The following CTNNA2 variants were observed in gnomAD, a reference collection of about 807,000 sequenced individuals.
CTNNA2 encodes the protein catenin alpha 2.
CTNNA2 carries 42 observed loss-of-function variants against 101.0 expected under a neutral mutation model. The observed-to-expected ratio is 0.42, with a 90% CI of 0.32 to 0.54. The LOEUF (loss-of-function observed/expected upper bound fraction) is 0.54, where lower values mean the gene tolerates loss of function less well. CTNNA2 is among the 20% of genes least tolerant of loss of function. The pLI is 0.14. For missense variants in CTNNA2, 871 were observed against 1,223.1 expected (o/e 0.71, Z 4.29); for synonymous variants, 450 against 456.4 (o/e 0.99, Z 0.18).
At chr2:79,895,809 T>G (rs533347566) in intron 6 of CTNNA2, among the ~76,000 whole-genome samples, 1 of 152,126 alleles carries the variant, frequency 6.6e-6, no homozygotes, top group East Asian at 1.9e-4. Flanking sequence ...TCCACCGACT[T>G]AAAAATGTAA....
chr2:79,262,081 T>C (rs568629691), intron 2 of CTNNA2, among the ~76,000 whole-genome samples: 4 of 152,272 alleles, frequency 2.6e-5, no homozygotes, highest in African/African-American at 9.6e-5. Context: ...GATTTTAACA[T>C]CACTCAAGTG....
intron 13 of CTNNA2, 89 bp from the exon 14 acceptor site, chr2:80,581,617 G>C: frequency 1.3e-6 from 1 of 794,840 alleles, no homozygotes; most frequent in South Asian, 1.5e-5. Context: ...TCTGTTTGCT[G>C]GGGGATATTT....
intron 9 of CTNNA2, among the ~76,000 whole-genome samples, chr2:80,530,112 G>A (rs766807204): frequency 6.6e-6 from 1 of 152,118 alleles, no homozygotes; most frequent in African/African-American, 2.4e-5. Flanking sequence ...GGATGCATCT[G>A]CTGCCCAACA....
intron 1 of CTNNA2, among the ~76,000 whole-genome samples, chr2:79,530,717 A>G (rs1021208771): frequency 6.6e-6 from 1 of 152,172 alleles, no homozygotes; most frequent in Non-Finnish European, 1.5e-5. Context: ...GAAACCTGAT[A>G]GTATTGAAGA....
intron 4 of CTNNA2, among the ~76,000 whole-genome samples, chr2:79,381,546 C>T (rs1678039230): frequency 6.6e-6 from 1 of 152,176 alleles, no homozygotes; most frequent in Admixed American, 6.5e-5. Context: ...GCAGTACTTG[C>T]TTGTTCATCA....
At chr2:80,322,988 A>G (rs912361372) in intron 7 of CTNNA2, among the ~76,000 whole-genome samples, 1 of 152,198 alleles carries the variant, frequency 6.6e-6, no homozygotes, top group African/African-American at 2.4e-5. Context: ...GAGAACGGGT[A>G]TTAACCGGAG....
At chr2:80,003,637 A>G (rs1445559329) in intron 7 of CTNNA2, among the ~76,000 whole-genome samples, 1 of 152,154 alleles carries the variant, frequency 6.6e-6, no homozygotes, top group East Asian at 1.9e-4. Flanking sequence ...TCCATATGTT[A>G]ATTGCACATT....
intron 7 of CTNNA2, among the ~76,000 whole-genome samples, chr2:79,966,462 T>C (rs1690068815): frequency 6.6e-6 from 1 of 152,148 alleles, no homozygotes; most frequent in African/African-American, 2.4e-5. Flanking sequence ...TCTCAAATGC[T>C]TGGGCTCCAT....
At chr2:80,410,298 C>T (rs750838335) in intron 8 of CTNNA2, among the ~76,000 whole-genome samples, 13 of 152,120 alleles carry the variant, frequency 8.5e-5, no homozygotes, top group African/African-American at 2.4e-4. Flanking sequence ...TGTGCTCCCA[C>T]GAAATAAGAA....
At chr2:80,552,045 G>A (rs1193039003) in intron 11 of CTNNA2, among the ~76,000 whole-genome samples, 2 of 152,092 alleles carry the variant, frequency 1.3e-5, no homozygotes, top group Non-Finnish European at 2.9e-5. Flanking sequence ...AGAAGAGGGA[G>A]AGAGATGGCA....
chr2:80,166,862 C>T (rs1049196302), intron 7 of CTNNA2, among the ~76,000 whole-genome samples: 33 of 152,128 alleles, frequency 2.2e-4, no homozygotes, highest in African/African-American at 7.7e-4. Context: ...AAAACCCTCA[C>T]GTTTTCTGTC....
intron 7 of CTNNA2, among the ~76,000 whole-genome samples, chr2:80,240,878 T>C (rs1391560851): frequency 6.6e-6 from 1 of 152,162 alleles, no homozygotes; most frequent in East Asian, 1.9e-4. Flanking sequence ...CATCAGGGTA[T>C]GTATATTCAG....
chr2:80,250,722 G>A (rs531629874), intron 7 of CTNNA2, among the ~76,000 whole-genome samples: 3 of 152,184 alleles, frequency 2.0e-5, no homozygotes, highest in South Asian at 4.2e-4. Context: ...AAGGTTCAGA[G>A]GCAGCCTGCT....
chr2:80,090,395 A>G (rs1300012966), intron 7 of CTNNA2, among the ~76,000 whole-genome samples: 1 of 152,076 alleles, frequency 6.6e-6, no homozygotes, highest in Non-Finnish European at 1.5e-5. Context: ...AGCACCATCA[A>G]AGGAATACAG....
intron 1 of CTNNA2, among the ~76,000 whole-genome samples, chr2:79,192,253 T>G (rs962364885): frequency 6.6e-6 from 1 of 152,180 alleles, no homozygotes; most frequent in Non-Finnish European, 1.5e-5. Flanking sequence ...GTTTGTTCAC[T>G]TGGTCAGGGG....
At chr2:79,805,908 G>A (rs925555392) in intron 3 of CTNNA2, among the ~76,000 whole-genome samples, 3 of 151,458 alleles carry the variant, frequency 2.0e-5, no homozygotes, top group African/African-American at 4.9e-5. Flanking sequence ...ACTGCACTTC[G>A]GCCTGGGCGA....
Position 79,742,554 on chromosome 2 carries a change from G to A in CTNNA2, c.103-1833G>A, listed in dbSNP as rs536563638. ...TTCTGGGGAGTTGAGGTTCTTGGAA[G>A]AGTAACATGTTCATGTGTTAGAGTA... On this transcript the variant is annotated intron_variant, in intron 2 of 18. Transcript: ENST00000402739. 3.3e-5 allele frequency among the ~76,000 whole-genome samples: 5 copies of A among 152,240 alleles called. No homozygotes were observed. In the East Asian group the frequency reaches 5.8e-4, roughly 18 times the overall value.
chr2:80,492,487 TC>T (rs1687142039), intron 9 of CTNNA2, among the ~76,000 whole-genome samples: 1 of 152,212 alleles, frequency 6.6e-6, no homozygotes, highest in Non-Finnish European at 1.5e-5. Context: ...GCTACTTCAG[TC>T]TAATATCCAT....
At chr2:79,540,735 G>GC (rs1265145742) in intron 1 of CTNNA2, among the ~76,000 whole-genome samples, 1 of 151,980 alleles carries the variant, frequency 6.6e-6, no homozygotes, top group Non-Finnish European at 1.5e-5. Flanking sequence ...TAATGAAGTC[G>GC]CTTATACATT....
Sources: allele counts gnomAD v4.1 joint callset (sites outside exome capture counted in the v4.1 genomes callset), GRCh38; gene constraint gnomAD v4.1.1; transcripts MANE v1.5; gene names NCBI Gene and HGNC (gene_info 2026-07-23, HGNC 2026-07-21).